The following DPP10 variants were observed in gnomAD, a reference collection of about 807,000 sequenced individuals.
DPP10 encodes the protein inactive dipeptidyl peptidase 10.
A neutral mutation model predicts 120.9 loss-of-function variants in DPP10; 33 were observed. That is an observed-to-expected ratio of 0.27 (90% CI 0.21 to 0.37). DPP10 has a LOEUF of 0.37. DPP10 is among the 10% of genes least tolerant of loss of function. DPP10 has a pLI of 1.00. For missense variants in DPP10, 816 were observed against 942.8 expected (o/e 0.87, Z 1.76); for synonymous variants, 337 against 326.1 (o/e 1.03, Z -0.36).
intron 3 of DPP10, among the ~76,000 whole-genome samples, chr2:115,448,734 A>G (rs2072843955): frequency 6.6e-6 from 1 of 152,160 alleles, no homozygotes; most frequent in African/African-American, 2.4e-5. Flanking sequence ...AGTGCTCATG[A>G]AAATGCATAG....
chr2:115,140,317 C>T lies in DPP10; in HGVS notation c.61-168922C>T, dbSNP rs143159115. 3.6e-3 allele frequency among the ~76,000 whole-genome samples: 550 copies of T among 152,188 alleles called. 5 individuals are homozygous for T. Among genetic ancestry groups the T allele is most frequent in the African/African-American group, 0.013 (525 of 41,518 alleles). ...GGCAAAGGAAACAGCAGGAACAGCT[C>T]GGAGAGTTTCTGTTTAAGGACCAGC... is the stretch of plus-strand genomic sequence containing the variant. On this transcript the variant is annotated intron_variant, in intron 1 of 25. Transcript: ENST00000410059.
chr2:115,672,666 TTCTC>T (rs1178410248), intron 5 of DPP10, among the ~76,000 whole-genome samples: 1 of 130,044 alleles, frequency 7.7e-6, no homozygotes, highest in Admixed American at 7.5e-5. Context: ...CTTTCTTTCT[TTCTC>T]TCTTTCTTTC....
chr2:115,190,427 G>A (rs1230648668), intron 1 of DPP10, among the ~76,000 whole-genome samples: 6 of 151,856 alleles, frequency 4.0e-5, no homozygotes, highest in African/African-American at 9.7e-5. Context: ...CTAATTACTC[G>A]GCAGAGTACC....
At chr2:114,467,240 T>C (rs1027891630) in intron 1 of DPP10, among the ~76,000 whole-genome samples, 2 of 152,262 alleles carry the variant, frequency 1.3e-5, no homozygotes, top group African/African-American at 4.8e-5. Context: ...AAAATAGGAA[T>C]TGCAAACTCA....
chr2:115,311,603 G>A (rs2061580872), intron 2 of DPP10, among the ~76,000 whole-genome samples: 1 of 152,092 alleles, frequency 6.6e-6, no homozygotes, highest in Admixed American at 6.6e-5. Flanking sequence ...AGGTGCTGTT[G>A]TAGTTGGCCC....
intron 1 of DPP10, among the ~76,000 whole-genome samples, chr2:115,096,097 T>C (rs1247404762): frequency 6.6e-6 from 1 of 152,128 alleles, no homozygotes; most frequent in African/African-American, 2.4e-5. Context: ...TACACATGTA[T>C]GTACTCATGC....
intron 19 of DPP10, among the ~76,000 whole-genome samples, chr2:115,812,805 C>A (rs1216656797): frequency 6.6e-6 from 1 of 151,850 alleles, no homozygotes. Flanking sequence ...TATAATACAT[C>A]TCATAATCCA....
chr2:114,726,542 A>C (rs1462610915), intron 1 of DPP10, among the ~76,000 whole-genome samples: 1 of 152,254 alleles, frequency 6.6e-6, no homozygotes, highest in African/African-American at 2.4e-5. Context: ...GTTGAATTTA[A>C]TCATATTCAT....
chr2:114,539,315 T>TAC (rs1223560685), intron 1 of DPP10, among the ~76,000 whole-genome samples: 3 of 151,598 alleles, frequency 2.0e-5, no homozygotes, highest in East Asian at 3.9e-4. Flanking sequence ...TATATATACA[T>TAC]ACACACACAT....
intron 5 of DPP10, among the ~76,000 whole-genome samples, chr2:115,659,843 T>C (rs1052204436): frequency 2.0e-5 from 3 of 152,194 alleles, no homozygotes; most frequent in Non-Finnish European, 2.9e-5. Context: ...TTTTGACTTT[T>C]TATTAATTAA....
At chr2:115,065,455 G>GC (rs1392832972) in intron 1 of DPP10, 2 of 152,102 alleles carry the variant, frequency 1.3e-5, no homozygotes, top group East Asian at 3.8e-4. Context: ...ACCAACCTTA[G>GC]CAGAAGATCT....
At chr2:114,788,875 C>T (rs1683000212) in intron 1 of DPP10, among the ~76,000 whole-genome samples, 2 of 152,250 alleles carry the variant, frequency 1.3e-5, no homozygotes, top group South Asian at 4.1e-4. Context: ...CTCTCACATG[C>T]TGCCATTAAT....
intron 3 of DPP10, among the ~76,000 whole-genome samples, chr2:115,435,219 A>G (rs1283104602): frequency 3.3e-5 from 5 of 151,750 alleles, no homozygotes; most frequent in Admixed American, 6.6e-5. Flanking sequence ...ATTGAATAAT[A>G]TGGTAGTTTT....
At chr2:114,779,035 C>G (rs1008999848) in intron 1 of DPP10, among the ~76,000 whole-genome samples, 3 of 152,064 alleles carry the variant, frequency 2.0e-5, no homozygotes, top group African/African-American at 4.8e-5. Context: ...TGGTCTTAAG[C>G]TTTACATGCC....
chr2:115,109,320 G>T (rs1365022860), intron 1 of DPP10, among the ~76,000 whole-genome samples: 2 of 152,082 alleles, frequency 1.3e-5, no homozygotes, highest in Non-Finnish European at 2.9e-5. Context: ...GGCAGATCAC[G>T]ACGTCAGGAG....
intron 1 of DPP10, among the ~76,000 whole-genome samples, chr2:115,132,309 C>G (rs1488250898): frequency 6.6e-6 from 1 of 151,994 alleles, no homozygotes. Flanking sequence ...CTTTTGGGAA[C>G]TTGAAAGTTT....
intron 1 of DPP10, chr2:115,145,063 C>A (rs1053244849): frequency 6.6e-6 from 1 of 151,832 alleles, no homozygotes; most frequent in Non-Finnish European, 1.5e-5. Context: ...CACTGTTAAC[C>A]CTTTGCCTTG....
chr2:114,602,242 A>T (rs1026560432), intron 1 of DPP10, among the ~76,000 whole-genome samples: 1 of 151,916 alleles, frequency 6.6e-6, no homozygotes, highest in African/African-American at 2.4e-5. Flanking sequence ...ATGAAATCAA[A>T]GTATATAAAG....
chr2:114,794,524 G>T lies in DPP10; in HGVS notation c.60+351686G>T, dbSNP rs112578270. ...AGTGAGTGGCAGAGACATTTTGGGG[G>T]TGACGTTCTGGCAAGGGAATTCAGA... On this transcript the variant is annotated intron_variant, in intron 1 of 25. Coordinates refer to ENST00000410059, the MANE Select transcript of DPP10 (RefSeq NM_020868.6). Among the ~76,000 whole-genome samples, 1,054 of 152,290 alleles carry T rather than the reference G, an allele frequency of 6.9e-3. 12 individuals carry two copies. Among genetic ancestry groups the T allele is most frequent in the Middle Eastern group, 0.024 (7 of 294 alleles).
Sources: gnomAD v4.1 joint callset for allele counts (sites outside exome capture counted in the v4.1 genomes callset) on GRCh38, gnomAD v4.1.1 for gene constraint, MANE v1.5 for transcripts, NCBI Gene and HGNC (gene_info 2026-07-23, HGNC 2026-07-21) for gene names.